STXBP4: variants seen among roughly 807,000 people sequenced by gnomAD.
STXBP4 encodes the protein syntaxin binding protein 4.
In STXBP4, 55 loss-of-function variants were observed where a neutral mutation model predicts 76.1. The observed-to-expected ratio is 0.72, with a 90% CI of 0.58 to 0.91. The LOEUF is 0.91. Ranked by LOEUF, STXBP4 falls within the 40% of genes least tolerant of loss-of-function variation. The pLI, the probability that STXBP4 is intolerant of heterozygous loss-of-function variation, is 0.00. For missense variants in STXBP4, 618 were observed against 636.9 expected, an observed-to-expected ratio of 0.97 and a Z score of 0.32; for synonymous variants, 201 against 220.2, an observed-to-expected ratio of 0.91 and a Z score of 0.77.
chr17:55,178,994 A>G, the STXBP4 span, among the ~76,000 whole-genome samples: 1 of 152,186 alleles, frequency 6.6e-6, no homozygotes, highest in Non-Finnish European at 1.5e-5. Flanking sequence ...TGCCCCAGTC[A>G]AGTTGACATA....
intron 8 of STXBP4, among the ~76,000 whole-genome samples, chr17:55,020,495 T>C (rs1409528252): frequency 6.6e-6 from 1 of 152,208 alleles, no homozygotes; most frequent in Non-Finnish European, 1.5e-5. Flanking sequence ...TATGATGTCA[T>C]ATTCCCTCAT....
rs537547373 is a variant in STXBP4, at chr17:55,162,682, G to C, written c.*2771G>C. ...TTATTTAAAAAAAATCAAGTACTTTGGAAGTGAATAAAGTAAGAGATAGCC... is the reference window on the plus strand; with the variant it reads ...TTATTTAAAAAAAATCAAGTACTTTCGAAGTGAATAAAGTAAGAGATAGCC... On this transcript the variant is annotated 3_prime_UTR_variant, in exon 18 of 18. Transcript: ENST00000376352. 6.6e-6 allele frequency: 1 copy of C among 152,160 alleles called. No individual in the cohort carries two copies. Among genetic ancestry groups the C allele is most frequent in the East Asian group, 1.9e-4 (1 of 5,176 alleles). The allele number at this position is 152,160 out of a possible 1,614,324, so 9.4% of individuals were successfully genotyped here. A position where few individuals can be genotyped will look rare whatever the true frequency, so the allele number is the denominator to read the frequency against.
chr17:55,159,745 T>A lies in STXBP4; in HGVS notation c.1548-52T>A, dbSNP rs1187394404. The stretch of plus-strand genomic sequence containing the variant: ...TCACCAGGATCAGTACTTGCATGGA[T>A]GAGTAGAAGGACAGTCTTTCAGATT... On this transcript the variant is annotated intron_variant, in intron 17 of 17. Coordinates refer to ENST00000376352, the MANE Select transcript of STXBP4 (RefSeq NM_178509.6). The A allele has an allele frequency of 3.2e-6, 4 of 1,231,850 alleles. No homozygotes were observed. The South Asian group carries it at 5.1e-5, about 16-fold the overall frequency. The allele number at this position is 1,231,850 out of a possible 1,614,324, so 76.3% of individuals were successfully genotyped here. A position where few individuals can be genotyped will look rare whatever the true frequency, so the allele number is the denominator to read the frequency against.
intron 13 of STXBP4, among the ~76,000 whole-genome samples, chr17:55,077,844 A>G (rs2079203446): frequency 1.3e-5 from 2 of 152,130 alleles, no homozygotes; most frequent in Non-Finnish European, 2.9e-5. Flanking sequence ...GTATTTTACT[A>G]TAAGAATCAA....
chr17:55,161,279 T>A lies in STXBP4; in HGVS notation c.*1368T>A, dbSNP rs2080334658. 6.6e-6 allele frequency: 1 copy of A among 152,180 alleles called. No homozygotes were observed. Among genetic ancestry groups the A allele is most frequent in the South Asian group, 2.1e-4 (1 of 4,830 alleles). 9.4% of individuals were successfully genotyped at this position (152,180 alleles called of 1,614,324 possible). On this transcript the variant is annotated 3_prime_UTR_variant, in exon 18 of 18. Coordinates refer to ENST00000376352, the MANE Select transcript of STXBP4 (RefSeq NM_178509.6). Reference sequence around the variant, plus strand: ...ATAAAGTCAACTCCAGACTGATAGGTAGTCATTAGCCATGAGAAATGTTTC... The same window carrying A: ...ATAAAGTCAACTCCAGACTGATAGGAAGTCATTAGCCATGAGAAATGTTTC...
chr17:55,159,364 G>A (rs1006779067), intron 17 of STXBP4, among the ~76,000 whole-genome samples: 1 of 152,208 alleles, frequency 6.6e-6, no homozygotes, highest in African/African-American at 2.4e-5. Context: ...CGTATGATTT[G>A]TCATTTAGAA....
chr17:55,099,563 C>T (rs1020043647), intron 16 of STXBP4, among the ~76,000 whole-genome samples: 5 of 152,142 alleles, frequency 3.3e-5, no homozygotes, highest in Non-Finnish European at 7.4e-5. Context: ...AGCAAAAATA[C>T]AGTATTATTA....
the STXBP4 span, among the ~76,000 whole-genome samples, chr17:55,199,120 T>G: frequency 6.6e-6 from 1 of 152,248 alleles, no homozygotes; most frequent in East Asian, 1.9e-4. Flanking sequence ...TCCATGCCAA[T>G]GGCTATTTGC....
At chr17:55,211,616 G>T in the STXBP4 span, among the ~76,000 whole-genome samples, 7 of 151,884 alleles carry the variant, frequency 4.6e-5, no homozygotes, top group African/African-American at 9.7e-5. Flanking sequence ...AATTTATTTT[G>T]ATATCCGATG....
rs571034100 is a variant in STXBP4, at chr17:55,058,012, C to T, written c.1011+10858C>T. The stretch of plus-strand genomic sequence containing the variant: ...CCATTGTGAACAGTGCCACAATAAA[C>T]GTACTTGTGCATGTGTCTTTATAGT... On this transcript the variant is annotated intron_variant, in intron 12 of 17. Transcript: ENST00000376352. Among the ~76,000 whole-genome samples, 7 of 152,224 alleles carry T rather than the reference C, an allele frequency of 4.6e-5. No homozygotes were observed. In the South Asian group the frequency reaches 1.2e-3, roughly 27 times the overall value.
rs116481612 is a variant in STXBP4 at position 55,052,248 on chromosome 17, A to T, written c.1011+5094A>T. Among the ~76,000 whole-genome samples the T allele has an allele frequency of 1.2e-3, 178 of 152,328 alleles. 1 individual carries two copies. The highest frequency in any genetic ancestry group is 3.9e-3 in the African/African-American group (163 of 41,580). ...TAAGCCTGGAATATCTTAATATGCCAGAAAATAAGGACGTGCTCAAAATGA... is the reference window on the plus strand; with the variant it reads ...TAAGCCTGGAATATCTTAATATGCCTGAAAATAAGGACGTGCTCAAAATGA... On this transcript the variant is annotated intron_variant, in intron 12 of 17. Transcript: ENST00000376352.
At chr17:55,106,552 G>A (rs924154038) in intron 16 of STXBP4, among the ~76,000 whole-genome samples, 39 of 152,284 alleles carry the variant, frequency 2.6e-4, no homozygotes, top group Admixed American at 9.2e-4. Context: ...TTTCTTCATA[G>A]TGTCAATGGT....
intron 10 of STXBP4, among the ~76,000 whole-genome samples, chr17:55,041,490 T>C (rs770164000): frequency 6.6e-6 from 1 of 152,148 alleles, no homozygotes; most frequent in African/African-American, 2.4e-5. Context: ...TGTGCTGGCA[T>C]TACAGACCTG....
the STXBP4 span, among the ~76,000 whole-genome samples, chr17:55,206,529 G>C: frequency 6.6e-6 from 1 of 151,976 alleles, no homozygotes; most frequent in Non-Finnish European, 1.5e-5. Flanking sequence ...TCCTCCTACC[G>C]TTGTTGATGA....
intron 8 of STXBP4, among the ~76,000 whole-genome samples, chr17:55,027,449 C>T (rs1472847607): frequency 6.6e-6 from 1 of 152,124 alleles, no homozygotes. Context: ...TAAAAAACTA[C>T]ATATTGAGTA....
At chr17:55,052,150 C>T (rs1483172484) in intron 12 of STXBP4, among the ~76,000 whole-genome samples, 1 of 152,120 alleles carries the variant, frequency 6.6e-6, no homozygotes, top group Non-Finnish European at 1.5e-5. Flanking sequence ...CCAGATACCA[C>T]TCCCCACTAG....
intron 16 of STXBP4, among the ~76,000 whole-genome samples, chr17:55,083,929 G>A (rs935370747): frequency 1.3e-5 from 2 of 152,168 alleles, no homozygotes; most frequent in African/African-American, 2.4e-5. Flanking sequence ...ATGGGAAAGT[G>A]ACAAGGTCTC....
At chr17:55,136,962 G>A (rs1230857234) in intron 16 of STXBP4, among the ~76,000 whole-genome samples, 1 of 152,012 alleles carries the variant, frequency 6.6e-6, no homozygotes, top group Non-Finnish European at 1.5e-5. Context: ...AATAACAATG[G>A]TCTCCTTTCG....
intron 8 of STXBP4, among the ~76,000 whole-genome samples, chr17:55,014,082 C>G (rs966965205): frequency 6.6e-6 from 1 of 152,146 alleles, no homozygotes; most frequent in Non-Finnish European, 1.5e-5. Context: ...TGGAGTATTG[C>G]AGGGCTGTTG....
Sources: gnomAD v4.1 joint callset for allele counts (sites outside exome capture counted in the v4.1 genomes callset) on GRCh38, gnomAD v4.1.1 for gene constraint, MANE v1.5 for transcripts, NCBI Gene and HGNC (gene_info 2026-07-23, HGNC 2026-07-21) for gene names.